The following MKRN1 variants were observed in gnomAD, a reference collection of about 807,000 sequenced individuals.
The protein encoded by MKRN1 is E3 ubiquitin-protein ligase makorin-1.
Under a neutral mutation model 55.5 loss-of-function variants are expected in MKRN1, and 9 were observed. That is an observed-to-expected ratio of 0.16 (90% CI 0.10 to 0.28). The LOEUF is 0.28. Among genes scored for constraint, MKRN1 ranks in the 10% least tolerant of loss-of-function variants. MKRN1 has a pLI of 1.00. For missense variants in MKRN1, 488 were observed against 626.7 expected, an observed-to-expected ratio of 0.78 and a Z score of 2.36; for synonymous variants, 253 against 235.9, an observed-to-expected ratio of 1.07 and a Z score of -0.66.
intron 2 of MKRN1, among the ~76,000 whole-genome samples, chr7:140,462,263 A>C (rs1200313091): frequency 1.3e-5 from 2 of 152,154 alleles, no homozygotes; most frequent in African/African-American, 4.8e-5. Flanking sequence ...TCCTGGGCTC[A>C]AGCAAGCCTC....
Position 140,459,844 on chromosome 7 carries a change from G to C in MKRN1, c.407C>G (p.Ser136Trp). The change falls in exon 3 of 8, where the codon TCG (serine) becomes TGG (tryptophan). Residue 136 changes from serine to tryptophan, a missense_variant. Around this residue, in one of 2 missense-constraint regions of MKRN1, gnomAD observed 210 missense variants for 220.0 expected, o/e 0.95. Coordinates refer to ENST00000255977, the MANE Select transcript of MKRN1 (RefSeq NM_013446.4). ...CATTTCAACAAGTGGTCCAACTATCGATGAGAGACTTGAGGAAGCAGCAAG... is the reference window on the plus strand; with the variant it reads ...CATTTCAACAAGTGGTCCAACTATCCATGAGAGACTTGAGGAAGCAGCAAG... ...SSLAASSSLS[S>W]IVGPLVEMNT... 3.7e-6 allele frequency: 6 copies of C among 1,613,916 alleles called. No individual in the cohort carries two copies. The highest frequency in any genetic ancestry group is 5.1e-6 in the Non-Finnish European group (6 of 1,179,850).
chr7:140,466,680 T>C (rs1393580198), intron 2 of MKRN1, among the ~76,000 whole-genome samples: 7 of 151,824 alleles, frequency 4.6e-5, no homozygotes, highest in African/African-American at 7.3e-5. Context: ...GGCGGGCGCC[T>C]GTAGTCCCAG....
chr7:140,474,471 C>A, intron 1 of MKRN1: 1 of 332,488 alleles, frequency 3.0e-6, no homozygotes, highest in Non-Finnish European at 6.2e-6. Context: ...GAACCAGGAT[C>A]ACGCCACTGA....
intron 1 of MKRN1, chr7:140,478,658 G>A (rs73480264): frequency 6.6e-6 from 1 of 152,634 alleles, no homozygotes; most frequent in African/African-American, 2.4e-5. Context: ...GTTACAAACG[G>A]ATGGCACGGA....
intron 7 of MKRN1, 37 bp from the exon 8 acceptor site, chr7:140,454,766 C>G (rs373993370): frequency 6.3e-6 from 10 of 1,584,486 alleles, no homozygotes; most frequent in Non-Finnish European, 8.7e-6. Flanking sequence ...ATGGCACTGT[C>G]GAGCAGTATC....
chr7:140,455,420 G>A, intron 6 of MKRN1, 187 bp from the exon 7 acceptor site: 1 of 687,036 alleles, frequency 1.5e-6, no homozygotes, highest in East Asian at 2.7e-5. Context: ...CGGTAACTCT[G>A]TTCAAGTCTA....
At chr7:140,476,955 C>T (rs540978909) in intron 1 of MKRN1, among the ~76,000 whole-genome samples, 34 of 151,948 alleles carry the variant, frequency 2.2e-4, no homozygotes, top group Admixed American at 1.6e-3. Context: ...TGGTGGTGCA[C>T]GCCTGTAATC....
At chr7:140,468,246 A>G (rs1794826498) in intron 2 of MKRN1, among the ~76,000 whole-genome samples, 1 of 152,054 alleles carries the variant, frequency 6.6e-6, no homozygotes, top group South Asian at 2.1e-4. Context: ...CACAGTTGGC[A>G]GTAACTCTCA....
chr7:140,471,907 T>C lies in MKRN1; in HGVS notation c.290A>G (p.Tyr97Cys). ...CCTGCAGCGGTCTCCATAAATACAG[T>C]ACCCTCGCTGAAAATACTTGCACAC... ...SVVCKYFQRG[Y>C]CIYGDRCRYE... The change falls in exon 2 of 8, where the codon TAC (tyrosine) becomes TGC (cysteine). Residue 97 changes from tyrosine (Y) to cysteine (C), a missense_variant. This residue lies in a region of MKRN1 where 210 missense variants were observed against 220.0 expected (regional missense o/e 0.95). Transcript: ENST00000255977. The C allele has an allele frequency of 6.2e-7, 1 of 1,614,040 alleles. No individual in the cohort carries two copies. Among genetic ancestry groups the C allele is most frequent in the Non-Finnish European group, 8.5e-7 (1 of 1,179,996 alleles).
At chr7:140,477,211 A>G (rs911820627) in intron 1 of MKRN1, among the ~76,000 whole-genome samples, 8 of 152,164 alleles carry the variant, frequency 5.3e-5, no homozygotes, top group Non-Finnish European at 2.9e-5. Flanking sequence ...GTCAAACACT[A>G]AAACCCCAGA....
intron 2 of MKRN1, among the ~76,000 whole-genome samples, chr7:140,469,323 C>CA (rs759021807): frequency 3.0e-3 from 384 of 126,664 alleles, no homozygotes; most frequent in African/African-American, 4.1e-3. Context: ...GACTCCATCT[C>CA]AAAAAAAAAA....
intron 2 of MKRN1, chr7:140,460,310 CTTT>C (rs57140647): frequency 0.041 from 4,638 of 112,460 alleles, 283 homozygotes; most frequent in African/African-American, 0.15. Flanking sequence ...TTTTTCTTTT[CTTT>C]TTTTTTTTTT....
chr7:140,461,983 C>CAAAA, intron 2 of MKRN1, among the ~76,000 whole-genome samples: 1 of 152,098 alleles, frequency 6.6e-6, no homozygotes, highest in East Asian at 1.9e-4. Flanking sequence ...AACTCCATCT[C>CAAAA]GAAAGAAAAG....
intron 2 of MKRN1, among the ~76,000 whole-genome samples, chr7:140,461,579 G>C (rs1794616813): frequency 6.6e-6 from 1 of 152,054 alleles, no homozygotes; most frequent in Non-Finnish European, 1.5e-5. Context: ...AGGGTGCAGT[G>C]AGCCAAGATC....
intron 2 of MKRN1, among the ~76,000 whole-genome samples, chr7:140,468,589 T>C (rs1323470283): frequency 6.6e-6 from 1 of 150,466 alleles, no homozygotes; most frequent in East Asian, 2.0e-4. Context: ...TAATCCCAGC[T>C]ACTCCGGAGG....
chr7:140,471,420 A>G, intron 2 of MKRN1, among the ~76,000 whole-genome samples: 1 of 152,156 alleles, frequency 6.6e-6, no homozygotes, highest in South Asian at 2.1e-4. Context: ...CTTGTTTAAC[A>G]TCCACAGATA....
chr7:140,465,144 T>C (rs865906167), intron 2 of MKRN1, among the ~76,000 whole-genome samples: 2 of 152,180 alleles, frequency 1.3e-5, no homozygotes, highest in Non-Finnish European at 2.9e-5. Context: ...CTGTGGCCTT[T>C]AGTATTTTAA....
intron 5 of MKRN1, 30 bp downstream of exon 5, chr7:140,456,622 G>A (rs1563086211): frequency 2.5e-6 from 4 of 1,608,056 alleles, no homozygotes; most frequent in Non-Finnish European, 2.6e-6. Flanking sequence ...AAAAGAGAAA[G>A]CACAAATGAA....
chr7:140,463,642 T>G (rs375863587), intron 2 of MKRN1, among the ~76,000 whole-genome samples: 5 of 152,018 alleles, frequency 3.3e-5, no homozygotes, highest in Admixed American at 1.3e-4. Context: ...TCCCAGCACT[T>G]TGGGAGGCCA....
Sources: allele counts gnomAD v4.1 joint callset (sites outside exome capture counted in the v4.1 genomes callset), GRCh38; gene constraint gnomAD v4.1.1; regional missense constraint gnomAD v4.1.1; transcripts MANE v1.5; gene names NCBI Gene and HGNC (gene_info 2026-07-23, HGNC 2026-07-21).